Variants in ASCC2 observed in about 807,000 individuals in gnomAD.
ASCC2 encodes ASC-1 complex subunit P100.
ASCC2 carries 42 observed loss-of-function variants against 93.5 expected under a neutral mutation model. That is an observed-to-expected ratio of 0.45 (90% CI 0.35 to 0.58). The LOEUF (loss-of-function observed/expected upper bound fraction) is 0.58, where lower values mean the gene tolerates loss of function less well. ASCC2 is among the 20% of genes least tolerant of loss of function. The pLI is 0.00. For missense variants in ASCC2, 859 were observed against 977.6 expected, an observed-to-expected ratio of 0.88 and a Z score of 1.62; for synonymous variants, 364 against 384.2, an observed-to-expected ratio of 0.95 and a Z score of 0.62.
intron 15 of ASCC2, among the ~76,000 whole-genome samples, chr22:29,796,304 A>G (rs1404505635): frequency 3.3e-5 from 5 of 151,830 alleles, no homozygotes; most frequent in Non-Finnish European, 7.4e-5. Context: ...AGTAGTCTTT[A>G]TTAAGGACCT....
chr22:29,790,391 G>T, intron 19 of ASCC2, 78 bp downstream of exon 19: 1 of 1,464,514 alleles, frequency 6.8e-7, no homozygotes, highest in Non-Finnish European at 9.5e-7. Context: ...GTGTACGTGT[G>T]GGTTTCCTGG....
chr22:29,837,789 A>G (rs1461644489), intron 1 of ASCC2, among the ~76,000 whole-genome samples: 1 of 152,170 alleles, frequency 6.6e-6, no homozygotes. Flanking sequence ...ATCTCCTCCC[A>G]CTAGACTGTA....
At chr22:29,797,717 G>A (rs1052435770) in intron 15 of ASCC2, among the ~76,000 whole-genome samples, 28 of 152,134 alleles carry the variant, frequency 1.8e-4, no homozygotes, top group East Asian at 3.8e-4. Flanking sequence ...TGTGCTCTGC[G>A]ACTCCCCAAA....
chr22:29,818,201 T>C (rs1047084002), intron 5 of ASCC2, among the ~76,000 whole-genome samples: 1 of 152,004 alleles, frequency 6.6e-6, no homozygotes, highest in Admixed American at 6.6e-5. Context: ...TCAATCCTCT[T>C]ACAAGTGATC....
chr22:29,801,398 G>A (rs894999797), intron 14 of ASCC2, among the ~76,000 whole-genome samples: 8 of 151,758 alleles, frequency 5.3e-5, no homozygotes, highest in Admixed American at 2.6e-4. Flanking sequence ...TTTAATGCTC[G>A]TAATAGTCGC....
chr22:29,792,347 C>T, intron 18 of ASCC2, 86 bp downstream of exon 18: 1 of 1,569,908 alleles, frequency 6.4e-7, no homozygotes, highest in Non-Finnish European at 8.6e-7. Context: ...GCCTCAGGGC[C>T]AGACATAGGG....
chr22:29,791,900 C>T (rs1237124233), intron 18 of ASCC2, among the ~76,000 whole-genome samples: 1 of 152,182 alleles, frequency 6.6e-6, no homozygotes, highest in Admixed American at 6.5e-5. Flanking sequence ...GTGACCTGGC[C>T]CCAGAAACAT....
chr22:29,825,843 A>T lies in ASCC2; in HGVS notation c.82-63T>A. ...TTAGTCAGCGAGGGCCCATTTGCCAACCCACAGCAATGACAACACTTGGCT... is the reference window on the plus strand; with the variant it reads ...TTAGTCAGCGAGGGCCCATTTGCCATCCCACAGCAATGACAACACTTGGCT... On this transcript the variant is annotated intron_variant, in intron 2 of 19. Coordinates refer to ENST00000307790, the MANE Select transcript of ASCC2 (RefSeq NM_032204.5). The surrounding 1 kb of genome is among the most constrained non-coding windows in gnomAD (Gnocchi z 4.9). The T allele has an allele frequency of 2.6e-6, 4 of 1,538,158 alleles. No individual in the cohort carries two copies. Among genetic ancestry groups the T allele is most frequent in the Non-Finnish European group, 8.8e-7 (1 of 1,138,610 alleles).
intron 5 of ASCC2, among the ~76,000 whole-genome samples, chr22:29,821,012 T>A (rs558239132): frequency 6.6e-6 from 1 of 151,780 alleles, no homozygotes; most frequent in East Asian, 1.9e-4. Flanking sequence ...TGTCCTACAG[T>A]CTCCAGGTGA....
In ASCC2 at chr22:29,821,652, A is replaced by G. The variant is rs116665890; in HGVS notation, c.541+683T>C. On this transcript the variant is annotated intron_variant, in intron 5 of 19. Coordinates refer to ENST00000307790, the MANE Select transcript of ASCC2 (RefSeq NM_032204.5). ...ACTGCTGTTCTTACATTCGTCGCCAAAGGAAACTTCCCCATTCCTATGTCT... is the reference window on the plus strand; with the variant it reads ...ACTGCTGTTCTTACATTCGTCGCCAGAGGAAACTTCCCCATTCCTATGTCT... Among the ~76,000 whole-genome samples the G allele has an allele frequency of 8.1e-3, 1,231 of 152,318 alleles. 18 individuals are homozygous for G. The highest frequency in any genetic ancestry group is 0.028 in the African/African-American group (1,163 of 41,562).
chr22:29,810,272 C>T (rs1243869506), intron 8 of ASCC2: 1 of 152,194 alleles, frequency 6.6e-6, no homozygotes, highest in Non-Finnish European at 1.5e-5. Flanking sequence ...GCAAGTGAAA[C>T]TGCAGCTGCC....
chr22:29,804,358 G>T (rs149897893), intron 13 of ASCC2, among the ~76,000 whole-genome samples: 4 of 152,274 alleles, frequency 2.6e-5, no homozygotes, highest in Admixed American at 1.3e-4. Context: ...TCATGGAAAC[G>T]TTCATGGAAA....
intron 9 of ASCC2, 43 bp from the exon 10 acceptor site, chr22:29,806,947 G>C (rs1601943400): frequency 2.0e-6 from 3 of 1,470,514 alleles, no homozygotes; most frequent in Non-Finnish European, 2.8e-6. Flanking sequence ...GAGACAAAAA[G>C]GCCCTGAGGG....
chr22:29,822,591 G>T, intron 4 of ASCC2, 127 bp from the exon 5 acceptor site: 4 of 1,023,272 alleles, frequency 3.9e-6, no homozygotes, highest in Non-Finnish European at 5.5e-6. Flanking sequence ...CTTATGCATA[G>T]ACCTGGAGCA....
intron 13 of ASCC2, among the ~76,000 whole-genome samples, chr22:29,803,426 A>G (rs1339863442): frequency 6.6e-6 from 1 of 152,080 alleles, no homozygotes; most frequent in Non-Finnish European, 1.5e-5. Context: ...AAATGGGCCT[A>G]TACCACCCAC....
rs535065277 is a variant in ASCC2, at chr22:29,825,678, C to T, written c.184G>A (p.Val62Ile). The change falls in exon 3 of 20, where the codon GTA (valine) becomes ATA (isoleucine). Residue 62 changes from valine to isoleucine, a missense_variant. Physicochemically the swap from Val to Ile is conservative, Grantham distance 29 (BLOSUM62 3). Transcript: ENST00000307790. The surrounding 1 kb of genome is among the most constrained non-coding windows in gnomAD (Gnocchi z 4.9). The part of the protein sequence containing the change: ...VEEYLERATF[V>I]ANDLDWLLAL... The stretch of plus-strand genomic sequence containing the variant: ...AGGAGCCAGTCGAGGTCATTGGCTA[C>T]GAAGGTGGCGCGTTCCAGGTACTCC... 1.4e-5 allele frequency: 22 copies of T among 1,614,210 alleles called. No homozygotes were observed. The highest frequency in any genetic ancestry group is 2.7e-5 in the African/African-American group (2 of 75,056).
At chr22:29,813,005 C>T (rs2060452077) in intron 8 of ASCC2, among the ~76,000 whole-genome samples, 1 of 152,116 alleles carries the variant, frequency 6.6e-6, no homozygotes, top group South Asian at 2.1e-4. Context: ...TTTCAGCCTC[C>T]TCAGTAGCTG....
intron 8 of ASCC2, among the ~76,000 whole-genome samples, chr22:29,809,060 C>T (rs1601967053): frequency 6.8e-6 from 1 of 147,016 alleles, no homozygotes; most frequent in African/African-American, 2.5e-5. Context: ...GTGGAGGTTG[C>T]AGTGAGCCAA....
At chr22:29,809,042 C>G (rs2059996007) in intron 8 of ASCC2, among the ~76,000 whole-genome samples, 1 of 150,414 alleles carries the variant, frequency 6.6e-6, no homozygotes, top group Non-Finnish European at 1.5e-5. Flanking sequence ...ATTGCTTGAA[C>G]CTGGGAGGTG....
Sources: gnomAD v4.1 joint callset for allele counts (sites outside exome capture counted in the v4.1 genomes callset) on GRCh38, gnomAD v4.1.1 for gene constraint, Gnocchi (gnomAD v3.1) non-coding constraint, MANE v1.5 for transcripts, NCBI Gene and HGNC (gene_info 2026-07-23, HGNC 2026-07-21) for gene names.